The following CCDC178 variants were observed in gnomAD, a reference collection of about 807,000 sequenced individuals.
CCDC178 encodes the protein coiled-coil domain-containing protein 178.
In CCDC178, 126 loss-of-function variants were observed where a neutral mutation model predicts 117.4. The observed-to-expected ratio is 1.07, with a 90% CI of 0.93 to 1.24. The LOEUF is 1.24. Among genes scored for constraint, CCDC178 ranks in the 50% most tolerant of loss-of-function variants. CCDC178 has a pLI of 0.00. For synonymous variants in CCDC178, 283 were observed against 313.4 expected (o/e 0.90, Z 1.02); for missense variants, 1,030 against 986.9 (o/e 1.04, Z -0.59).
At chr18:32,995,351 C>A (rs2055480402) in intron 21 of CCDC178, among the ~76,000 whole-genome samples, 1 of 151,996 alleles carries the variant, frequency 6.6e-6, no homozygotes, top group African/African-American at 2.4e-5. Context: ...CCTCAAAGAG[C>A]AATTTAAAAA....
At chr18:33,150,536 A>C (rs1426833585) in intron 20 of CCDC178, among the ~76,000 whole-genome samples, 1 of 152,136 alleles carries the variant, frequency 6.6e-6, no homozygotes, top group Non-Finnish European at 1.5e-5. Context: ...CAGCAAGAAA[A>C]GAAAACTCAT....
At chr18:33,081,870 G>T (rs1203180087) in intron 21 of CCDC178, among the ~76,000 whole-genome samples, 2 of 152,038 alleles carry the variant, frequency 1.3e-5, no homozygotes, top group East Asian at 3.9e-4. Flanking sequence ...AAAAGTACAA[G>T]GTTGTAAAAA....
chr18:33,220,062 C>T (rs2059212691), intron 18 of CCDC178, among the ~76,000 whole-genome samples: 1 of 152,002 alleles, frequency 6.6e-6, no homozygotes, highest in African/African-American at 2.4e-5. Context: ...TCCAGTCACA[C>T]ATCCATTTGT....
chr18:33,183,358 T>C (rs1403075230), intron 20 of CCDC178, among the ~76,000 whole-genome samples: 1 of 108,528 alleles, frequency 9.2e-6, no homozygotes, highest in Non-Finnish European at 1.9e-5. Flanking sequence ...TTGATCACCG[T>C]TTAATGAAAC....
chr18:32,978,494 T>C (rs1363652179), intron 21 of CCDC178, among the ~76,000 whole-genome samples: 1 of 151,830 alleles, frequency 6.6e-6, no homozygotes, highest in African/African-American at 2.4e-5. Flanking sequence ...CATTTTAAGA[T>C]GTCAGCAGTG....
chr18:33,174,360 C>T (rs1598962208), intron 20 of CCDC178, among the ~76,000 whole-genome samples: 1 of 152,142 alleles, frequency 6.6e-6, no homozygotes, highest in East Asian at 1.9e-4. Context: ...CAAACCATAT[C>T]AGAAGTTAAA....
intron 22 of CCDC178, chr18:32,954,393 T>C (rs2054550982): frequency 6.6e-6 from 1 of 152,168 alleles, no homozygotes; most frequent in Non-Finnish European, 1.5e-5. Context: ...GTTGTAGGTA[T>C]ATATCATAAA....
chr18:33,292,192 T>C (rs1433053982), intron 12 of CCDC178, among the ~76,000 whole-genome samples: 1 of 152,146 alleles, frequency 6.6e-6, no homozygotes, highest in Non-Finnish European at 1.5e-5. Flanking sequence ...CTTCCATCAA[T>C]GGATGAGTAG....
chr18:33,419,016 T>TA (rs981756464), intron 2 of CCDC178, among the ~76,000 whole-genome samples: 46 of 150,442 alleles, frequency 3.1e-4, no homozygotes, highest in South Asian at 6.3e-4. Flanking sequence ...ACCAAAAAAA[T>TA]AAAAAAATCC....
intron 2 of CCDC178, among the ~76,000 whole-genome samples, chr18:33,433,125 A>T (rs983787376): frequency 6.6e-6 from 1 of 152,168 alleles, no homozygotes; most frequent in Admixed American, 6.5e-5. Flanking sequence ...GGATAACGTG[A>T]GGGGAGTATT....
At chr18:33,374,177 T>A (rs920722867) in intron 5 of CCDC178, among the ~76,000 whole-genome samples, 1 of 152,042 alleles carries the variant, frequency 6.6e-6, no homozygotes, top group Admixed American at 6.6e-5. Flanking sequence ...GGGCAGGAAC[T>A]CAAGAAGACA....
chr18:33,433,104 G>A (rs150197761), intron 2 of CCDC178, among the ~76,000 whole-genome samples: 195 of 152,214 alleles, frequency 1.3e-3, no homozygotes, highest in Non-Finnish European at 2.3e-3. Context: ...ACCTTGTAGG[G>A]TTTAAAGTTT....
At chr18:33,125,617 G>A (rs1371786588) in intron 20 of CCDC178, among the ~76,000 whole-genome samples, 1 of 152,146 alleles carries the variant, frequency 6.6e-6, no homozygotes, top group Non-Finnish European at 1.5e-5. Flanking sequence ...TGACGTACCA[G>A]TTATCCAGAG....
At chr18:33,079,523 T>C (rs576226342) in intron 21 of CCDC178, among the ~76,000 whole-genome samples, 23 of 152,270 alleles carry the variant, frequency 1.5e-4, no homozygotes, top group African/African-American at 5.5e-4. Context: ...TTTTGCAAAC[T>C]GCACATCTGA....
chr18:32,975,566 T>G (rs2055013195), intron 21 of CCDC178, among the ~76,000 whole-genome samples: 1 of 152,106 alleles, frequency 6.6e-6, no homozygotes, highest in Non-Finnish European at 1.5e-5. Context: ...TAAAAACAGT[T>G]TCTTAAAAAT....
intron 21 of CCDC178, among the ~76,000 whole-genome samples, chr18:32,979,554 A>G (rs2055104033): frequency 2.0e-5 from 3 of 152,248 alleles, no homozygotes; most frequent in Non-Finnish European, 2.9e-5. Context: ...GTTTATATCT[A>G]TTAAAAATGG....
intron 20 of CCDC178, among the ~76,000 whole-genome samples, chr18:33,196,121 A>G (rs2058927018): frequency 6.6e-6 from 1 of 152,162 alleles, no homozygotes; most frequent in African/African-American, 2.4e-5. Flanking sequence ...TTATTTTGGC[A>G]ATTACTTTTA....
intron 5 of CCDC178, among the ~76,000 whole-genome samples, chr18:33,379,173 A>T (rs8096592): frequency 1.4e-4 from 7 of 49,158 alleles, no homozygotes; most frequent in African/African-American, 3.5e-4. Context: ...CCATATATAT[A>T]ATATATATAT....
At chr18:33,391,726 C>G (rs1568196716) in intron 4 of CCDC178, among the ~76,000 whole-genome samples, 1 of 151,714 alleles carries the variant, frequency 6.6e-6, no homozygotes, top group Admixed American at 6.6e-5. Context: ...ACTTTGTAAA[C>G]AAATGTTAAT....
Sources: gnomAD v4.1 joint callset for allele counts (sites outside exome capture counted in the v4.1 genomes callset) on GRCh38, gnomAD v4.1.1 for gene constraint, MANE v1.5 for transcripts, NCBI Gene and HGNC (gene_info 2026-07-23, HGNC 2026-07-21) for gene names.